Variants in HIBADH observed in about 807,000 individuals in gnomAD.
HIBADH encodes 3-hydroxyisobutyrate dehydrogenase, mitochondrial.
HIBADH carries 25 observed loss-of-function variants against 36.1 expected under a neutral mutation model. That is an observed-to-expected ratio of 0.69 (90% CI 0.50 to 0.97). The LOEUF is 0.97. HIBADH is among the 50% of genes least tolerant of loss of function. HIBADH has a pLI of 0.00. For synonymous variants in HIBADH, 160 were observed against 149.5 expected (o/e 1.07, Z -0.51); for missense variants, 421 against 418.0 (o/e 1.01, Z -0.06).
chr7:27,530,003 T>C (rs777708858), intron 7 of HIBADH, among the ~76,000 whole-genome samples: 47 of 152,232 alleles, frequency 3.1e-4, no homozygotes, highest in Non-Finnish European at 5.0e-4. Context: ...TTTTTAGCAA[T>C]AGAGCATTTT....
chr7:27,603,855 A>G (rs1000550050), intron 4 of HIBADH, among the ~76,000 whole-genome samples: 1 of 152,314 alleles, frequency 6.6e-6, no homozygotes, highest in East Asian at 1.9e-4. Flanking sequence ...GAGCTTTAAA[A>G]CACTTCTATC....
At chr7:27,572,875 C>T (rs1229376431) in intron 4 of HIBADH, among the ~76,000 whole-genome samples, 2 of 151,972 alleles carry the variant, frequency 1.3e-5, no homozygotes, top group Admixed American at 1.3e-4. Context: ...CTTTAATACA[C>T]AAAATATTGT....
chr7:27,661,710 G>C (rs1786423130), intron 1 of HIBADH, among the ~76,000 whole-genome samples: 1 of 150,912 alleles, frequency 6.6e-6, no homozygotes, highest in South Asian at 2.1e-4. Flanking sequence ...TTAATCCTCA[G>C]TATGATCTTG....
intron 4 of HIBADH, among the ~76,000 whole-genome samples, chr7:27,545,576 A>G (rs2128184783): frequency 6.6e-6 from 1 of 152,344 alleles, no homozygotes; most frequent in South Asian, 2.1e-4. Context: ...ATAGATGTTT[A>G]TGTCTATCAA....
At chr7:27,543,570 A>G (rs1279624669) in intron 4 of HIBADH, among the ~76,000 whole-genome samples, 5 of 152,052 alleles carry the variant, frequency 3.3e-5, no homozygotes, top group African/African-American at 7.2e-5. Context: ...AATACTATCT[A>G]TAAGTGAGAT....
intron 1 of HIBADH, 22 bp downstream of exon 1, chr7:27,662,676 G>C (rs907816053): frequency 1.6e-6 from 2 of 1,280,954 alleles, no homozygotes; most frequent in East Asian, 3.2e-5. Context: ...AGGACAAGGG[G>C]GAGGAGGCGT....
intron 4 of HIBADH, among the ~76,000 whole-genome samples, chr7:27,608,550 AT>A (rs151052694): frequency 0.029 from 4,449 of 152,238 alleles, 200 homozygotes; most frequent in African/African-American, 0.1. Context: ...TTTCAGTTTG[AT>A]TATGGTAGCA....
intron 4 of HIBADH, among the ~76,000 whole-genome samples, chr7:27,588,471 G>C (rs1273565945): frequency 6.6e-6 from 1 of 152,082 alleles, no homozygotes; most frequent in Non-Finnish European, 1.5e-5. Context: ...TGGACTACAG[G>C]TGTATGCCAC....
intron 3 of HIBADH, among the ~76,000 whole-genome samples, chr7:27,631,602 G>T (rs1785747277): frequency 6.6e-6 from 1 of 152,160 alleles, no homozygotes; most frequent in South Asian, 2.1e-4. Flanking sequence ...TAACCGCAAG[G>T]GTTTGGCAAT....
intron 4 of HIBADH, among the ~76,000 whole-genome samples, chr7:27,595,034 G>T (rs1785007616): frequency 6.6e-6 from 1 of 152,128 alleles, no homozygotes; most frequent in African/African-American, 2.4e-5. Context: ...CAAACTTAGT[G>T]ACAGTAAACC....
Position 27,589,608 on chromosome 7 carries a change from C to G in HIBADH, c.484+39763G>C, listed in dbSNP as rs1013672477. 9.9e-5 allele frequency among the ~76,000 whole-genome samples: 15 copies of G among 152,162 alleles called. 1 individual carries two copies. Among genetic ancestry groups the G allele is most frequent in the South Asian group, 4.1e-4 (2 of 4,834 alleles). On this transcript the variant is annotated intron_variant, in intron 4 of 7. Transcript: ENST00000265395. The stretch of plus-strand genomic sequence containing the variant: ...ATTAAATAACTAGGATATATGCCCA[C>G]TATGCATCAGAGAAAGTGATTCTAA...
intron 5 of HIBADH, 142 bp downstream of exon 5, chr7:27,542,825 T>C: frequency 1.0e-6 from 1 of 994,256 alleles, no homozygotes; most frequent in Admixed American, 2.9e-5. Flanking sequence ...GCAAAACTAA[T>C]TTATTCCAAA....
In HIBADH at chr7:27,539,992, G is replaced by A. The variant is rs550146863; in HGVS notation, c.619-1575C>T. On this transcript the variant is annotated intron_variant, in intron 5 of 7. Coordinates refer to ENST00000265395, the MANE Select transcript of HIBADH (RefSeq NM_152740.4). Reference sequence around the variant, plus strand: ...AGGCTGAGGAGGAAGAGGAGGGGTTGCTCTTCGCTGTCTCGGGGTGACAGA... The same window carrying A: ...AGGCTGAGGAGGAAGAGGAGGGGTTACTCTTCGCTGTCTCGGGGTGACAGA... Among the ~76,000 whole-genome samples the A allele has an allele frequency of 1.8e-3, 267 of 152,158 alleles. 1 individual carries two copies. Among genetic ancestry groups the A allele is most frequent in the Middle Eastern group, 0.01 (3 of 294 alleles).
At chr7:27,643,240 G>C (rs1785993885) in intron 2 of HIBADH, among the ~76,000 whole-genome samples, 1 of 152,132 alleles carries the variant, frequency 6.6e-6, no homozygotes, top group African/African-American at 2.4e-5. Flanking sequence ...TGCTAAGGTA[G>C]TCTACAGTAG....
At chr7:27,609,708 T>C (rs1041184203) in intron 4 of HIBADH, among the ~76,000 whole-genome samples, 15 of 152,204 alleles carry the variant, frequency 9.9e-5, no homozygotes, top group Non-Finnish European at 2.1e-4. Flanking sequence ...TTAATTTTTT[T>C]AAGATAATGT....
intron 4 of HIBADH, among the ~76,000 whole-genome samples, chr7:27,550,198 C>G (rs1003631478): frequency 1.3e-5 from 2 of 152,108 alleles, no homozygotes; most frequent in South Asian, 2.1e-4. Flanking sequence ...CATGAGTCAC[C>G]ACGCCCAGCC....
At chr7:27,585,317 T>C (rs1784844974) in intron 4 of HIBADH, among the ~76,000 whole-genome samples, 1 of 152,124 alleles carries the variant, frequency 6.6e-6, no homozygotes, top group Non-Finnish European at 1.5e-5. Flanking sequence ...AAGTTTTTGA[T>C]GCATACTACC....
intron 7 of HIBADH, among the ~76,000 whole-genome samples, chr7:27,527,920 T>TG (rs1426995061): frequency 1.1e-5 from 1 of 90,378 alleles, no homozygotes; most frequent in Non-Finnish European, 2.4e-5. Flanking sequence ...CACCCAGCGT[T>TG]TTTTTTTTTT....
chr7:27,563,138 G>T (rs1027574872), intron 4 of HIBADH, among the ~76,000 whole-genome samples: 1 of 152,086 alleles, frequency 6.6e-6, no homozygotes, highest in East Asian at 1.9e-4. Context: ...TGCCTTTCCA[G>T]GATGTTATAT....
Sources: gnomAD v4.1 joint callset for allele counts (sites outside exome capture counted in the v4.1 genomes callset) on GRCh38, gnomAD v4.1.1 for gene constraint, MANE v1.5 for transcripts, NCBI Gene and HGNC (gene_info 2026-07-23, HGNC 2026-07-21) for gene names.